The following RBFOX1 variants were observed in gnomAD, a reference collection of about 807,000 sequenced individuals.
The protein encoded by RBFOX1 is RNA binding fox-1 homolog 1.
A neutral mutation model predicts 57.7 loss-of-function variants in RBFOX1; 8 were observed. The observed-to-expected ratio is 0.14, with a 90% CI of 0.08 to 0.25. RBFOX1 has a LOEUF of 0.25. Ranked by LOEUF, RBFOX1 falls within the 10% of genes least tolerant of loss-of-function variation. The probability of loss-of-function intolerance (pLI) is 1.00; values close to 1 mark genes in which losing one functional copy is unlikely to be tolerated. For synonymous variants in RBFOX1, 326 were observed against 222.4 expected (o/e 1.47, Z -4.15); for missense variants, 611 against 548.5 (o/e 1.11, Z -1.14).
chr16:5,706,025 G>A (rs531922374), intron 3 of RBFOX1, among the ~76,000 whole-genome samples: 2 of 152,068 alleles, frequency 1.3e-5, no homozygotes, highest in South Asian at 2.1e-4. Context: ...ATTCTCTTGC[G>A]TCTGCCTCCT....
intron 4 of RBFOX1, among the ~76,000 whole-genome samples, chr16:7,081,288 G>C (rs1205266316): frequency 6.6e-6 from 1 of 152,196 alleles, no homozygotes; most frequent in African/African-American, 2.4e-5. Flanking sequence ...ACCAGCCTTG[G>C]CCTCCCAAAG....
At chr16:6,596,384 G>A (rs1345614065) in intron 2 of RBFOX1, among the ~76,000 whole-genome samples, 1 of 152,116 alleles carries the variant, frequency 6.6e-6, no homozygotes, top group Non-Finnish European at 1.5e-5. Context: ...TCACTGAATT[G>A]ACTAGGTACT....
At chr16:7,001,674 C>G (rs530768225) in intron 3 of RBFOX1, among the ~76,000 whole-genome samples, 1 of 152,180 alleles carries the variant, frequency 6.6e-6, no homozygotes, top group Non-Finnish European at 1.5e-5. Context: ...CCAGGGTGGT[C>G]TCAAACTCCT....
intron 3 of RBFOX1, among the ~76,000 whole-genome samples, chr16:6,737,292 C>T (rs559070536): frequency 6.6e-6 from 1 of 152,242 alleles, no homozygotes; most frequent in South Asian, 2.1e-4. Context: ...TTGTGATTAT[C>T]CCTACCCTTA....
intron 2 of RBFOX1, among the ~76,000 whole-genome samples, chr16:5,530,463 G>A (rs2044422029): frequency 6.6e-6 from 1 of 152,126 alleles, no homozygotes; most frequent in Non-Finnish European, 1.5e-5. Context: ...TCGACAATAG[G>A]ACATGCATTT....
At chr16:6,521,916 G>C (rs149509349) in intron 2 of RBFOX1, among the ~76,000 whole-genome samples, 1 of 152,158 alleles carries the variant, frequency 6.6e-6, no homozygotes, top group African/African-American at 2.4e-5. Flanking sequence ...TTGAATTCGA[G>C]CTAAGGGAAG....
intron 3 of RBFOX1, among the ~76,000 whole-genome samples, chr16:5,761,090 G>A (rs931841085): frequency 6.6e-6 from 1 of 152,196 alleles, no homozygotes; most frequent in Middle Eastern, 3.2e-3. Context: ...AACAGTGAAT[G>A]CTAATGCAAG....
At chr16:5,283,592 A>G (rs1239900305) in intron 1 of RBFOX1, among the ~76,000 whole-genome samples, 1 of 152,186 alleles carries the variant, frequency 6.6e-6, no homozygotes, top group South Asian at 2.1e-4. Flanking sequence ...CATGTGAGAC[A>G]TGGACTCAAA....
chr16:7,121,061 T>C (rs188941746), intron 4 of RBFOX1, among the ~76,000 whole-genome samples: 2 of 152,000 alleles, frequency 1.3e-5, no homozygotes, highest in Admixed American at 1.3e-4. Flanking sequence ...CAAAAGCTAA[T>C]CTACATTGAT....
chr16:6,131,820 C>T (rs1315696379), intron 1 of RBFOX1, among the ~76,000 whole-genome samples: 1 of 152,108 alleles, frequency 6.6e-6, no homozygotes, highest in Non-Finnish European at 1.5e-5. Context: ...ACATGTGCTG[C>T]TGGTGGTAAC....
At chr16:6,712,294 C>T (rs1049647188) in intron 3 of RBFOX1, among the ~76,000 whole-genome samples, 1 of 152,118 alleles carries the variant, frequency 6.6e-6, no homozygotes, top group South Asian at 2.1e-4. Context: ...GTGTTGCAAC[C>T]TTCTGTCATC....
At chr16:7,362,655 T>C (rs922330096) in intron 4 of RBFOX1, among the ~76,000 whole-genome samples, 13 of 151,052 alleles carry the variant, frequency 8.6e-5, no homozygotes, top group African/African-American at 2.9e-4. Flanking sequence ...AGTATGTGTA[T>C]GTTTTTTATG....
At chr16:5,397,108 C>T (rs950590364) in intron 1 of RBFOX1, among the ~76,000 whole-genome samples, 3 of 152,214 alleles carry the variant, frequency 2.0e-5, no homozygotes, top group African/African-American at 7.2e-5. Flanking sequence ...TTAAAACAAT[C>T]AGCTCATCCA....
At chr16:5,293,204 C>A (rs1289070040) in intron 1 of RBFOX1, among the ~76,000 whole-genome samples, 2 of 151,968 alleles carry the variant, frequency 1.3e-5, no homozygotes, top group Admixed American at 6.5e-5. Context: ...GCCTGTAATC[C>A]CAGCTACTTG....
intron 4 of RBFOX1, among the ~76,000 whole-genome samples, chr16:7,414,087 C>T (rs908929654): frequency 6.6e-6 from 1 of 152,230 alleles, no homozygotes; most frequent in Non-Finnish European, 1.5e-5. Flanking sequence ...AGAATCTGTA[C>T]ATGTTACAAA....
At chr16:5,448,911 C>T (rs1218455539) in intron 1 of RBFOX1, among the ~76,000 whole-genome samples, 1 of 152,102 alleles carries the variant, frequency 6.6e-6, no homozygotes, top group Non-Finnish European at 1.5e-5. Context: ...GCCTCTTCAG[C>T]TTGGAATACG....
chr16:7,000,495 C>T (rs1346834826), intron 3 of RBFOX1, among the ~76,000 whole-genome samples: 1 of 151,116 alleles, frequency 6.6e-6, no homozygotes, highest in East Asian at 1.9e-4. Context: ...TTTCTGTTGA[C>T]TGGTGGTTAA....
At chr16:6,921,085 C>G (rs2074349409) in intron 3 of RBFOX1, among the ~76,000 whole-genome samples, 1 of 152,168 alleles carries the variant, frequency 6.6e-6, no homozygotes, top group Non-Finnish European at 1.5e-5. Context: ...AGCTCCTGCA[C>G]CATTCGTTAG....
chr16:7,375,169 A>T (rs2097661663), intron 4 of RBFOX1, among the ~76,000 whole-genome samples: 1 of 152,244 alleles, frequency 6.6e-6, no homozygotes, highest in African/African-American at 2.4e-5. Flanking sequence ...TAATATCATT[A>T]TCCCTACCCT....
Sources: gnomAD v4.1 joint callset for allele counts (sites outside exome capture counted in the v4.1 genomes callset) on GRCh38, gnomAD v4.1.1 for gene constraint, MANE v1.5 for transcripts, NCBI Gene and HGNC (gene_info 2026-07-23, HGNC 2026-07-21) for gene names.